The following ARHGAP15 variants were observed in gnomAD, a reference collection of about 807,000 sequenced individuals.
ARHGAP15 encodes Rho GTPase activating protein 15, also known as rho GTPase-activating protein 15.
A neutral mutation model predicts 63.7 loss-of-function variants in ARHGAP15; 51 were observed. The ratio of observed to expected loss-of-function variants is 0.80; its 90% confidence interval spans 0.64 to 1.01. The LOEUF (loss-of-function observed/expected upper bound fraction) is 1.01, where lower values mean the gene tolerates loss of function less well. ARHGAP15 is among the 50% of genes least tolerant of loss of function. ARHGAP15 has a pLI of 0.00. For missense variants in ARHGAP15, 560 were observed against 564.6 expected (o/e 0.99, Z 0.08); for synonymous variants, 191 against 193.8 (o/e 0.99, Z 0.12).
chr2:143,752,677 C>G (rs1010457825), intron 13 of ARHGAP15, among the ~76,000 whole-genome samples: 4 of 152,154 alleles, frequency 2.6e-5, no homozygotes, highest in Admixed American at 6.5e-5. Context: ...TAAAGGTTAA[C>G]CCCTGTGGAA....
chr2:143,496,927 A>G (rs1436196359), intron 9 of ARHGAP15, among the ~76,000 whole-genome samples: 3 of 152,206 alleles, frequency 2.0e-5, no homozygotes, highest in South Asian at 4.1e-4. Context: ...TCTGTGGACT[A>G]TGTATCCTTA....
chr2:143,286,414 C>G (rs201397318), intron 6 of ARHGAP15, among the ~76,000 whole-genome samples: 11 of 152,164 alleles, frequency 7.2e-5, no homozygotes, highest in Admixed American at 6.5e-4. Context: ...GTAAATGGAA[C>G]AATTCTAAGT....
intron 6 of ARHGAP15, among the ~76,000 whole-genome samples, chr2:143,354,257 G>A (rs767188111): frequency 2.6e-5 from 4 of 152,080 alleles, no homozygotes; most frequent in Non-Finnish European, 4.4e-5. Flanking sequence ...CACCTCAGTC[G>A]GAATGAATAA....
chr2:143,454,750 G>C (rs534728654), intron 8 of ARHGAP15, among the ~76,000 whole-genome samples: 1 of 152,132 alleles, frequency 6.6e-6, no homozygotes, highest in Admixed American at 6.6e-5. Context: ...AGATTAAAAT[G>C]CTCTATATCT....
chr2:143,589,786 A>C (rs1347703879), intron 11 of ARHGAP15, among the ~76,000 whole-genome samples: 1 of 152,216 alleles, frequency 6.6e-6, no homozygotes, highest in Non-Finnish European at 1.5e-5. Flanking sequence ...AGGGAAAAAC[A>C]GAAGCACTAA....
chr2:143,211,566 A>G (rs922543224), intron 3 of ARHGAP15, among the ~76,000 whole-genome samples: 6 of 152,158 alleles, frequency 3.9e-5, no homozygotes, highest in Non-Finnish European at 8.8e-5. Flanking sequence ...CTGCTTGATA[A>G]TTATAGTGGC....
At chr2:143,330,097 A>AAAAAAAAAAAAAAAAAAAAAAAC (rs1684447449) in intron 6 of ARHGAP15, among the ~76,000 whole-genome samples, 1 of 67,330 alleles carries the variant, frequency 1.5e-5, no homozygotes, top group African/African-American at 6.2e-5. Context: ...TCTGTCTCAA[A>AAAAAAAAAAAAAAAAAAAAAAAC]AAAAAAAAAA....
At chr2:143,566,349 T>A (rs1238802438) in intron 11 of ARHGAP15, among the ~76,000 whole-genome samples, 2 of 152,084 alleles carry the variant, frequency 1.3e-5, no homozygotes, top group East Asian at 3.9e-4. Flanking sequence ...ATTTTGGCTT[T>A]TACAGCATTC....
At chr2:143,354,909 T>C (rs1685743004) in intron 6 of ARHGAP15, among the ~76,000 whole-genome samples, 1 of 152,214 alleles carries the variant, frequency 6.6e-6, no homozygotes, top group African/African-American at 2.4e-5. Context: ...TTCTTGTACA[T>C]CTGCAATCCC....
intron 6 of ARHGAP15, among the ~76,000 whole-genome samples, chr2:143,388,115 CAGTT>C (rs1687377304): frequency 6.6e-6 from 1 of 152,152 alleles, no homozygotes; most frequent in South Asian, 2.1e-4. Flanking sequence ...GTGCACCTGA[CAGTT>C]AAGTGAGGTA....
chr2:143,236,358 A>G (rs1693645406), intron 5 of ARHGAP15: 1 of 159,916 alleles, frequency 6.3e-6, no homozygotes, highest in Non-Finnish European at 1.4e-5. Flanking sequence ...TATTGTTGCA[A>G]GTCATGTTCA....
chr2:143,166,230 T>G (rs1690527316), intron 2 of ARHGAP15, among the ~76,000 whole-genome samples: 1 of 152,088 alleles, frequency 6.6e-6, no homozygotes, highest in South Asian at 2.1e-4. Flanking sequence ...TAGTGTCCTC[T>G]AATAGTTTAT....
At chr2:143,662,136 G>C (rs1372539213) in intron 12 of ARHGAP15, among the ~76,000 whole-genome samples, 2 of 152,220 alleles carry the variant, frequency 1.3e-5, no homozygotes, top group Non-Finnish European at 1.5e-5. Flanking sequence ...CAAACAAAAA[G>C]CAGTAACCTC....
chr2:143,256,313 C>T (rs1198303898), intron 6 of ARHGAP15, among the ~76,000 whole-genome samples: 1 of 152,028 alleles, frequency 6.6e-6, no homozygotes, highest in Admixed American at 6.6e-5. Flanking sequence ...TGAAATGTAA[C>T]TCAAAATTTC....
chr2:143,132,498 T>G (rs1195609222), intron 1 of ARHGAP15, among the ~76,000 whole-genome samples: 2 of 152,194 alleles, frequency 1.3e-5, no homozygotes, highest in Non-Finnish European at 2.9e-5. Context: ...GAAAGAATGC[T>G]TTTCCCCAGT....
chr2:143,662,237 T>C (rs986752366), intron 12 of ARHGAP15, among the ~76,000 whole-genome samples: 3 of 151,754 alleles, frequency 2.0e-5, no homozygotes, highest in Admixed American at 1.3e-4. Context: ...GCAGACTGCC[T>C]CCTCAAGTGG....
intron 8 of ARHGAP15, among the ~76,000 whole-genome samples, chr2:143,478,975 G>C (rs959028994): frequency 1.3e-5 from 2 of 152,186 alleles, no homozygotes; most frequent in African/African-American, 4.8e-5. Flanking sequence ...GGAATTTAGA[G>C]ATTTAAAGAA....
chr2:143,545,725 ATAAT>A (rs1190176391), intron 10 of ARHGAP15, among the ~76,000 whole-genome samples: 4 of 152,148 alleles, frequency 2.6e-5, no homozygotes. Context: ...TTTTAAGTAT[ATAAT>A]TCGCTACATC....
intron 5 of ARHGAP15, among the ~76,000 whole-genome samples, chr2:143,248,020 A>G (rs185894980): frequency 1.9e-3 from 285 of 152,328 alleles, no homozygotes; most frequent in African/African-American, 6.5e-3. Flanking sequence ...ATACATTGGG[A>G]AAAACAGTAG....
Sources: gnomAD v4.1 joint callset for allele counts (sites outside exome capture counted in the v4.1 genomes callset) on GRCh38, gnomAD v4.1.1 for gene constraint, MANE v1.5 for transcripts, NCBI Gene and HGNC (gene_info 2026-07-23, HGNC 2026-07-21) for gene names.